Variants in GRM7 observed in about 807,000 individuals in gnomAD.
The protein encoded by GRM7 is glutamate metabotropic receptor 7, also known as metabotropic glutamate receptor 7.
In GRM7, 35 loss-of-function variants were observed where a neutral mutation model predicts 84.5. That is an observed-to-expected ratio of 0.41 (90% CI 0.32 to 0.55). The LOEUF is 0.55. Among genes scored for constraint, GRM7 ranks in the 20% least tolerant of loss-of-function variants. The pLI is 0.19. For missense variants in GRM7, 1,003 were observed against 1,194.6 expected, an observed-to-expected ratio of 0.84 and a Z score of 2.36; for synonymous variants, 487 against 455.1, an observed-to-expected ratio of 1.07 and a Z score of -0.89.
intron 8 of GRM7, among the ~76,000 whole-genome samples, chr3:7,586,492 G>C (rs899820392): frequency 1.3e-5 from 2 of 152,048 alleles, no homozygotes; most frequent in African/African-American, 4.8e-5. Flanking sequence ...TCTACAAAAT[G>C]GAATATTACT....
intron 6 of GRM7, among the ~76,000 whole-genome samples, chr3:7,460,431 T>C (rs960604707): frequency 3.3e-5 from 5 of 152,048 alleles, no homozygotes; most frequent in Non-Finnish European, 5.9e-5. Flanking sequence ...GGGGCTCACA[T>C]TGGGAGAGGG....
intron 1 of GRM7, among the ~76,000 whole-genome samples, chr3:6,891,385 C>T (rs138874328): frequency 0.07 from 10,722 of 152,134 alleles, 786 homozygotes; most frequent in East Asian, 0.35. Flanking sequence ...TGTTGCTTTC[C>T]GCGTTTAGTG....
intron 7 of GRM7, among the ~76,000 whole-genome samples, chr3:7,468,929 A>C (rs985582774): frequency 7.2e-5 from 11 of 152,148 alleles, no homozygotes; most frequent in Admixed American, 7.2e-4. Context: ...TAAATTATCC[A>C]TTCTCAGGTA....
Position 7,086,050 on chromosome 3 carries a change from A to AT in GRM7, c.520-60393dup, listed in dbSNP as rs34683719. On this transcript the variant is annotated intron_variant, in intron 1 of 9. Coordinates refer to ENST00000357716, the MANE Select transcript of GRM7 (RefSeq NM_000844.4). ...TCCTGGTTTAAAATTTGCAAAAATTATTTTTTTTTGAAGAAAGATTCAGTG... is the reference window on the plus strand; with the variant it reads ...TCCTGGTTTAAAATTTGCAAAAATTATTTTTTTTTTGAAGAAAGATTCAGTG... Among the ~76,000 whole-genome samples the AT allele has an allele frequency of 4.6e-5, 7 of 151,610 alleles. No individual in the cohort carries two copies. In the East Asian group the frequency reaches 7.8e-4, roughly 17 times the overall value.
At chr3:7,617,703 T>A (rs1246142835) in intron 8 of GRM7, among the ~76,000 whole-genome samples, 2 of 152,114 alleles carry the variant, frequency 1.3e-5, no homozygotes, top group African/African-American at 4.8e-5. Context: ...GATATAGCCT[T>A]ATGAATAAAA....
intron 8 of GRM7, among the ~76,000 whole-genome samples, chr3:7,652,688 C>T (rs1452727731): frequency 6.6e-6 from 1 of 152,184 alleles, no homozygotes; most frequent in Non-Finnish European, 1.5e-5. Flanking sequence ...ATTAAGTTGA[C>T]TGAAACCACC....
chr3:7,389,482 T>G (rs1364870974), intron 4 of GRM7, among the ~76,000 whole-genome samples: 2 of 152,196 alleles, frequency 1.3e-5, no homozygotes, highest in Non-Finnish European at 2.9e-5. Context: ...CACTCTTATT[T>G]TGTGGCTATG....
intron 9 of GRM7, among the ~76,000 whole-genome samples, chr3:7,691,598 C>G (rs1700802337): frequency 6.6e-6 from 1 of 152,144 alleles, no homozygotes; most frequent in Non-Finnish European, 1.5e-5. Context: ...GCTGACTGTG[C>G]ATATGTCAGG....
At chr3:7,707,940 T>C (rs1701442844) in intron 9 of GRM7, among the ~76,000 whole-genome samples, 1 of 151,244 alleles carries the variant, frequency 6.6e-6, no homozygotes, top group Non-Finnish European at 1.5e-5. Flanking sequence ...ATTTTTTTTT[T>C]TTTTTTTTTT....
At chr3:7,316,380 G>A (rs546175762) in intron 4 of GRM7, among the ~76,000 whole-genome samples, 2 of 152,094 alleles carry the variant, frequency 1.3e-5, no homozygotes, top group East Asian at 3.9e-4. Context: ...AGGGTAAGAA[G>A]GATAATATCT....
chr3:7,030,231 G>C (rs1696140388), intron 1 of GRM7, among the ~76,000 whole-genome samples: 1 of 152,186 alleles, frequency 6.6e-6, no homozygotes, highest in African/African-American at 2.4e-5. Context: ...TACAACTTTA[G>C]AAAATGCAGT....
chr3:7,012,253 T>C (rs6443078), intron 1 of GRM7, among the ~76,000 whole-genome samples: 149,595 of 152,280 alleles, frequency 0.98, 73,490 homozygotes, highest in Middle Eastern at 1. Context: ...ATGGTTTATC[T>C]GAAGGAAACA....
At chr3:6,917,313 G>A (rs956622945) in intron 1 of GRM7, among the ~76,000 whole-genome samples, 10 of 152,032 alleles carry the variant, frequency 6.6e-5, no homozygotes, top group African/African-American at 2.4e-4. Flanking sequence ...GGTGAATGTT[G>A]ACTGTAGATT....
At chr3:7,004,874 C>A (rs556399675) in intron 1 of GRM7, among the ~76,000 whole-genome samples, 4 of 152,176 alleles carry the variant, frequency 2.6e-5, no homozygotes, top group Admixed American at 6.5e-5. Flanking sequence ...TCCGACAAAT[C>A]TCTCTAAAAA....
At chr3:7,327,850 C>T (rs1327371243) in intron 4 of GRM7, among the ~76,000 whole-genome samples, 1 of 152,308 alleles carries the variant, frequency 6.6e-6, no homozygotes, top group East Asian at 1.9e-4. Flanking sequence ...TCAAAAGCAA[C>T]CATTTATTGA....
chr3:7,516,446 CAGCCT>C (rs1700387264), intron 7 of GRM7, among the ~76,000 whole-genome samples: 1 of 129,760 alleles, frequency 7.7e-6, no homozygotes, highest in African/African-American at 3.0e-5. Context: ...CCCTGCACTC[CAGCCT>C]GGGCGGCAGA....
intron 5 of GRM7, among the ~76,000 whole-genome samples, chr3:7,425,608 C>G (rs1450116398): frequency 2.0e-5 from 3 of 152,022 alleles, no homozygotes; most frequent in African/African-American, 7.2e-5. Flanking sequence ...ATTGAGCTAC[C>G]AAAGTGGTCC....
intron 1 of GRM7, among the ~76,000 whole-genome samples, chr3:6,932,751 C>CTTTTTTTTTTT: frequency 1.1e-5 from 1 of 93,812 alleles, no homozygotes; most frequent in Non-Finnish European, 2.0e-5. Context: ...TTCTTTCTCT[C>CTTTTTTTTTTT]TTTTTTTTTT....
intron 4 of GRM7, among the ~76,000 whole-genome samples, chr3:7,317,375 T>C (rs1700621375): frequency 6.6e-6 from 1 of 152,084 alleles, no homozygotes; most frequent in Admixed American, 6.6e-5. Flanking sequence ...AAGTCATAAT[T>C]ATGTAGAATA....
Sources: gnomAD v4.1 joint callset for allele counts (sites outside exome capture counted in the v4.1 genomes callset) on GRCh38, gnomAD v4.1.1 for gene constraint, MANE v1.5 for transcripts, NCBI Gene and HGNC (gene_info 2026-07-23, HGNC 2026-07-21) for gene names.